The following REEP5 variants were observed in gnomAD, a reference collection of about 807,000 sequenced individuals.
REEP5 encodes receptor expression-enhancing protein 5.
Under a neutral mutation model 22.4 loss-of-function variants are expected in REEP5, and 24 were observed. The observed-to-expected ratio is 1.07, with a 90% CI of 0.78 to 1.51. REEP5 has a LOEUF of 1.51. Among genes scored for constraint, REEP5 ranks in the 40% most tolerant of loss-of-function variants. REEP5 has a pLI of 0.00. For synonymous variants in REEP5, 103 were observed against 88.6 expected, an observed-to-expected ratio of 1.16 and a Z score of -0.92; for missense variants, 252 against 233.0, an observed-to-expected ratio of 1.08 and a Z score of -0.53.
At chr5:112,886,937 G>A in intron 4 of REEP5, 78 bp downstream of exon 4, 2 of 1,095,544 alleles carry the variant, frequency 1.8e-6, no homozygotes, top group Non-Finnish European at 2.6e-6. Flanking sequence ...AAGACAAGAA[G>A]GCCAGGAAGC....
chr5:112,902,529 G>A lies in REEP5; in HGVS notation c.213-11C>T. 6.4e-7 allele frequency: 1 copy of A among 1,564,812 alleles called. No individual in the cohort carries two copies. The highest frequency in any genetic ancestry group is 1.2e-5 in the South Asian group (1 of 83,052). On this transcript the variant is annotated splice_polypyrimidine_tract_variant and intron_variant, in intron 2 of 4. Transcript: ENST00000379638. ...TCTATAGCTTTAATTCTGAAAGGCAGTACAAAAGAAAGTATATCATTTGGT... is the reference window on the plus strand; with the variant it reads ...TCTATAGCTTTAATTCTGAAAGGCAATACAAAAGAAAGTATATCATTTGGT...
intron 2 of REEP5, among the ~76,000 whole-genome samples, chr5:112,913,536 T>TAAAAA (rs148324454): frequency 4.6e-5 from 3 of 65,436 alleles, no homozygotes; most frequent in Non-Finnish European, 5.7e-5. Flanking sequence ...TGACCCTGGC[T>TAAAAA]AAAAAAAAAA....
intron 4 of REEP5, among the ~76,000 whole-genome samples, chr5:112,883,691 G>A (rs1421405542): frequency 6.6e-6 from 1 of 152,136 alleles, no homozygotes; most frequent in East Asian, 1.9e-4. Context: ...CTTGACACCT[G>A]TATCCAACTA....
chr5:112,921,478 A>T (rs976198618), intron 1 of REEP5: 11 of 573,404 alleles, frequency 1.9e-5, no homozygotes, highest in Non-Finnish European at 3.4e-5. Context: ...TGCCTCTCCT[A>T]CCTCCCGCAG....
intron 3 of REEP5, chr5:112,891,656 A>T (rs1440480675): frequency 6.8e-6 from 11 of 1,610,874 alleles, no homozygotes; most frequent in Non-Finnish European, 9.3e-6. Context: ...GCACTTGAGA[A>T]GATGACGTTT....
At chr5:112,913,537 A>T (rs796202712) in intron 2 of REEP5, among the ~76,000 whole-genome samples, 6 of 16,666 alleles carry the variant, frequency 3.6e-4, no homozygotes, top group African/African-American at 1.1e-3. Context: ...GACCCTGGCT[A>T]AAAAAAAAAA....
intron 2 of REEP5, among the ~76,000 whole-genome samples, chr5:112,903,060 T>C (rs955879558): frequency 6.6e-6 from 1 of 152,218 alleles, no homozygotes; most frequent in African/African-American, 2.4e-5. Context: ...GTTCAGAATG[T>C]CTTTAACTGA....
Position 112,878,312 on chromosome 5 carries a change from T to C in REEP5, c.*474A>G, listed in dbSNP as rs1767958972. The C allele has an allele frequency of 6.4e-6, 1 of 157,138 alleles. No individual in the cohort carries two copies. The highest frequency in any genetic ancestry group is 6.2e-5 in the Admixed American group (1 of 16,158). 9.7% of individuals were successfully genotyped at this position (157,138 alleles called of 1,614,324 possible). On this transcript the variant is annotated 3_prime_UTR_variant, in exon 5 of 5. Coordinates refer to ENST00000379638, the MANE Select transcript of REEP5 (RefSeq NM_005669.5). Reference sequence around the variant, plus strand: ...TCCCTCCCCATGAGCATGATGCATGTTGTAGTCAGACAGTAACATTTCCAT... The same window carrying C: ...TCCCTCCCCATGAGCATGATGCATGCTGTAGTCAGACAGTAACATTTCCAT...
At position 112,883,079 on chromosome 5, in the gene REEP5, T is replaced by G. The variant is rs147199394; in HGVS notation, c.520+3936A>C. 1.2e-4 allele frequency among the ~76,000 whole-genome samples: 18 copies of G among 152,356 alleles called. No homozygotes were observed. In the East Asian group the frequency reaches 2.9e-3, roughly 24 times the overall value. On this transcript the variant is annotated intron_variant, in intron 4 of 4. Transcript: ENST00000379638. Reference sequence around the variant, plus strand: ...CTCCTATCATCATTTTTTGCTCTGTTGAATTATTCCCATTAATTTTCAAAC... The same window carrying G: ...CTCCTATCATCATTTTTTGCTCTGTGGAATTATTCCCATTAATTTTCAAAC...
At position 112,887,150 on chromosome 5, in the gene REEP5, G is replaced by C; in HGVS notation, c.385C>G (p.Pro129Ala). 2 of 1,609,042 alleles carry C rather than the reference G, an allele frequency of 1.2e-6. No individual in the cohort carries two copies. Among genetic ancestry groups the C allele is most frequent in the Non-Finnish European group, 1.7e-6 (2 of 1,177,040 alleles). ...GFLLWCMAPSPSNGAELLYKR... is the reference protein window; with the variant it reads ...GFLLWCMAPSASNGAELLYKR... ...TAGAGCAGTTCAGCCCCATTAGAAG[G>C]GCTCGGGGCCATGCACCACAACAGG... The change falls in exon 4 of 5, where the codon CCT becomes GCT. Residue 129 changes from proline (P) to alanine (A), a missense_variant. Coordinates refer to ENST00000379638, the MANE Select transcript of REEP5 (RefSeq NM_005669.5).
At chr5:112,880,086 T>C (rs191904266) in intron 4 of REEP5, among the ~76,000 whole-genome samples, 1 of 152,220 alleles carries the variant, frequency 6.6e-6, no homozygotes. Flanking sequence ...CTCTAAGTCT[T>C]TGAGTTGGTG....
chr5:112,892,018 G>T (rs1335347224), intron 3 of REEP5: 2 of 1,316,012 alleles, frequency 1.5e-6, no homozygotes, highest in South Asian at 2.3e-5. Context: ...GAGAGAAGAG[G>T]AGGAGCAGAA....
chr5:112,886,964 G>T, intron 4 of REEP5, 51 bp downstream of exon 4: 2 of 1,373,784 alleles, frequency 1.5e-6, no homozygotes, highest in Non-Finnish European at 2.0e-6. Context: ...TTTGAGCCCA[G>T]TGTGTCACAT....
chr5:112,878,013 G>C lies in REEP5; in HGVS notation c.*773C>G, dbSNP rs1219670803. On this transcript the variant is annotated 3_prime_UTR_variant, in exon 5 of 5. Coordinates refer to ENST00000379638, the MANE Select transcript of REEP5 (RefSeq NM_005669.5). ...TGTGTGTGTGTGTGTGTGTGTGTGT[G>C]TGTGTGTGTAAATTTCCCGATTTAT... 9.3e-6 allele frequency: 1 copy of C among 107,802 alleles called. No individual in the cohort carries two copies. Among genetic ancestry groups the C allele is most frequent in the East Asian group, 3.0e-4 (1 of 3,320 alleles). The allele number at this position is 107,802 out of a possible 1,614,324, so 6.7% of individuals were successfully genotyped here.
intron 2 of REEP5, among the ~76,000 whole-genome samples, chr5:112,904,520 C>T (rs1181710783): frequency 6.6e-6 from 1 of 152,178 alleles, no homozygotes; most frequent in Admixed American, 6.5e-5. Context: ...AAAGAAGCAA[C>T]TCTCAGGACA....
intron 3 of REEP5, chr5:112,892,187 C>T: frequency 6.2e-7 from 1 of 1,614,146 alleles, no homozygotes; most frequent in South Asian, 1.1e-5. Context: ...TACAGTAAAA[C>T]AGGAGCTTGC....
chr5:112,920,261 C>A (rs1200894169), intron 2 of REEP5, among the ~76,000 whole-genome samples: 2 of 152,204 alleles, frequency 1.3e-5, no homozygotes, highest in Non-Finnish European at 2.9e-5. Flanking sequence ...TAACTAGTGA[C>A]AGATACAAGC....
At chr5:112,898,861 A>G (rs1768774126) in intron 3 of REEP5, among the ~76,000 whole-genome samples, 1 of 152,244 alleles carries the variant, frequency 6.6e-6, no homozygotes, top group South Asian at 2.1e-4. Flanking sequence ...AACTCTTTCC[A>G]CAGACCAATT....
intron 2 of REEP5, among the ~76,000 whole-genome samples, chr5:112,911,214 G>A (rs375537407): frequency 2.0e-5 from 3 of 152,134 alleles, no homozygotes; most frequent in African/African-American, 4.8e-5. Context: ...CTCCAAAGTC[G>A]CTGGAAAAGA....
Sources: gnomAD v4.1 joint callset for allele counts (sites outside exome capture counted in the v4.1 genomes callset) on GRCh38, gnomAD v4.1.1 for gene constraint, MANE v1.5 for transcripts, NCBI Gene and HGNC (gene_info 2026-07-23, HGNC 2026-07-21) for gene names.